CDH10: variants seen among roughly 807,000 people sequenced by gnomAD.
CDH10 encodes the protein cadherin 10.
CDH10 carries 30 observed loss-of-function variants against 73.1 expected under a neutral mutation model. That is an observed-to-expected ratio of 0.41 (90% CI 0.31 to 0.56). The LOEUF (loss-of-function observed/expected upper bound fraction) is 0.56, where lower values mean the gene tolerates loss of function less well. Ranked by LOEUF, CDH10 falls within the 20% of genes least tolerant of loss-of-function variation. The pLI is 0.27. For missense variants in CDH10, 815 were observed against 973.7 expected (o/e 0.84, Z 2.17); for synonymous variants, 345 against 348.2 (o/e 0.99, Z 0.10).
intron 5 of CDH10, among the ~76,000 whole-genome samples, chr5:24,513,472 A>T (rs185442757): frequency 6.6e-6 from 1 of 152,286 alleles, no homozygotes; most frequent in Non-Finnish European, 1.5e-5. Flanking sequence ...GCTTCAGAAA[A>T]AATGAGCCAG....
chr5:24,592,446 A>T (rs1360703861), intron 2 of CDH10, among the ~76,000 whole-genome samples: 1 of 151,700 alleles, frequency 6.6e-6, no homozygotes, highest in Admixed American at 6.6e-5. Flanking sequence ...ATTAAAATGA[A>T]TTTTTTTGTA....
At chr5:24,566,456 T>C (rs549529357) in intron 2 of CDH10, among the ~76,000 whole-genome samples, 23 of 152,314 alleles carry the variant, frequency 1.5e-4, no homozygotes, top group African/African-American at 4.8e-4. Context: ...GTTGGTGCCT[T>C]ACTTTTGAAG....
chr5:24,529,641 T>A (rs1293490431), intron 5 of CDH10, among the ~76,000 whole-genome samples: 1 of 151,982 alleles, frequency 6.6e-6, no homozygotes, highest in African/African-American at 2.4e-5. Context: ...TCATATCAAA[T>A]CTCACTTAAT....
intron 5 of CDH10, among the ~76,000 whole-genome samples, chr5:24,517,692 A>G (rs997463854): frequency 1.3e-5 from 2 of 152,136 alleles, no homozygotes; most frequent in Non-Finnish European, 2.9e-5. Context: ...AGTAAAAAAA[A>G]CTCAAGTCCA....
chr5:24,637,371 G>A (rs1056567293), intron 1 of CDH10, among the ~76,000 whole-genome samples: 13 of 152,082 alleles, frequency 8.5e-5, no homozygotes, highest in African/African-American at 3.1e-4. Flanking sequence ...ACTGTGGTAG[G>A]TGGAGGAATA....
intron 2 of CDH10, among the ~76,000 whole-genome samples, chr5:24,584,475 T>TGTGTGA (rs775491066): frequency 0.012 from 952 of 79,618 alleles, 20 homozygotes; most frequent in East Asian, 0.094. Flanking sequence ...TGTGTGTGTG[T>TGTGTGA]GAGAGAGAGA....
At chr5:24,514,917 C>A (rs898756291) in intron 5 of CDH10, among the ~76,000 whole-genome samples, 2 of 151,926 alleles carry the variant, frequency 1.3e-5, no homozygotes, top group Non-Finnish European at 2.9e-5. Context: ...TTAGAGAGTA[C>A]AGATTCTTTC....
chr5:24,569,034 C>G (rs1217687653), intron 2 of CDH10, among the ~76,000 whole-genome samples: 3 of 151,666 alleles, frequency 2.0e-5, no homozygotes, highest in Non-Finnish European at 2.9e-5. Flanking sequence ...GGCATGAACA[C>G]AAGAGGCGGA....
At chr5:24,590,407 G>A (rs1044303507) in intron 2 of CDH10, among the ~76,000 whole-genome samples, 3 of 151,244 alleles carry the variant, frequency 2.0e-5, no homozygotes, top group African/African-American at 7.3e-5. Context: ...TATTATGTTA[G>A]TGTATTAGTG....
At chr5:24,568,697 A>G (rs1444967677) in intron 2 of CDH10, among the ~76,000 whole-genome samples, 1 of 152,180 alleles carries the variant, frequency 6.6e-6, no homozygotes, top group Non-Finnish European at 1.5e-5. Flanking sequence ...TTGTATAGCA[A>G]TGTTCATACC....
intron 2 of CDH10, among the ~76,000 whole-genome samples, chr5:24,576,676 A>G (rs2112040934): frequency 6.6e-6 from 1 of 152,302 alleles, no homozygotes; most frequent in Non-Finnish European, 1.5e-5. Flanking sequence ...TAAATAAATT[A>G]CTAAATAAAT....
intron 1 of CDH10, among the ~76,000 whole-genome samples, chr5:24,606,862 C>T (rs1324462454): frequency 6.6e-6 from 1 of 152,072 alleles, no homozygotes; most frequent in African/African-American, 2.4e-5. Flanking sequence ...TTATTTAGAT[C>T]AATGGTTTCT....
intron 1 of CDH10, among the ~76,000 whole-genome samples, chr5:24,605,584 T>C (rs936674543): frequency 5.9e-5 from 9 of 152,212 alleles, no homozygotes; most frequent in Non-Finnish European, 1.0e-4. Context: ...ACCACTGATA[T>C]AGAGTAATTG....
At chr5:24,540,525 G>C (rs1354115794) in intron 2 of CDH10, among the ~76,000 whole-genome samples, 1 of 151,892 alleles carries the variant, frequency 6.6e-6, no homozygotes, top group African/African-American at 2.4e-5. Context: ...TGTTGGATTA[G>C]AAAATTGAAC....
chr5:24,519,718 T>C (rs1042156174), intron 5 of CDH10, among the ~76,000 whole-genome samples: 3 of 152,190 alleles, frequency 2.0e-5, no homozygotes, highest in African/African-American at 7.2e-5. Context: ...AAGTATGTGG[T>C]AGAATAAAAA....
intron 2 of CDH10, among the ~76,000 whole-genome samples, chr5:24,583,304 T>C (rs1036709974): frequency 6.6e-6 from 1 of 151,878 alleles, no homozygotes; most frequent in Non-Finnish European, 1.5e-5. Context: ...CATGTTTCTC[T>C]TGGAATATGT....
At chr5:24,588,171 C>G (rs770843557) in intron 2 of CDH10, among the ~76,000 whole-genome samples, 6 of 152,160 alleles carry the variant, frequency 3.9e-5, no homozygotes, top group Admixed American at 3.9e-4. Context: ...CCAAAGGAGT[C>G]TCTGTCAATG....
intron 1 of CDH10, among the ~76,000 whole-genome samples, chr5:24,619,702 T>A (rs1747246716): frequency 6.6e-6 from 1 of 152,194 alleles, no homozygotes; most frequent in African/African-American, 2.4e-5. Flanking sequence ...TATGTTGGAA[T>A]CCTAACCCCC....
At chr5:24,642,977 CA>C (rs35064864) in intron 1 of CDH10, among the ~76,000 whole-genome samples, 4,762 of 144,410 alleles carry the variant, frequency 0.033, 232 homozygotes, top group African/African-American at 0.11. Context: ...ATAACACAGC[CA>C]AAAAAAAAAA....
Sources: gnomAD v4.1 joint callset for allele counts (sites outside exome capture counted in the v4.1 genomes callset) on GRCh38, gnomAD v4.1.1 for gene constraint, MANE v1.5 for transcripts, NCBI Gene and HGNC (gene_info 2026-07-23, HGNC 2026-07-21) for gene names.